Variants in PSMA4 observed in about 807,000 individuals in gnomAD.
PSMA4 encodes the protein proteasome subunit alpha type-4.
A neutral mutation model predicts 37.2 loss-of-function variants in PSMA4; 8 were observed. That is an observed-to-expected ratio of 0.22 (90% CI 0.13 to 0.39). The LOEUF is 0.39. Among genes scored for constraint, PSMA4 ranks in the 10% least tolerant of loss-of-function variants. The pLI, the probability that PSMA4 is intolerant of heterozygous loss-of-function variation, is 1.00. For missense variants in PSMA4, 169 were observed against 305.1 expected, an observed-to-expected ratio of 0.55 and a Z score of 3.32; for synonymous variants, 93 against 98.8, an observed-to-expected ratio of 0.94 and a Z score of 0.35.
At position 78,540,465 on chromosome 15, in the gene PSMA4, T is replaced by A. The variant is rs911063083; in HGVS notation, c.-98T>A. ...GGCCATATTAGCAGCGGTTATTCGG[T>A]GAGCGGTGGTGGTTTATTCTTCCGT... On this transcript the variant is annotated 5_prime_UTR_variant, in exon 1 of 9. Transcript: ENST00000044462. 2.0e-5 allele frequency: 3 copies of A among 152,398 alleles called. No individual in the cohort carries two copies. The highest frequency in any genetic ancestry group is 6.5e-5 in the Admixed American group (1 of 15,294). The allele number at this position is 152,398 out of a possible 1,614,324, so 9.4% of individuals were successfully genotyped here.
Position 78,542,158 on chromosome 15 carries a change from A to G in PSMA4, c.4-19A>G, listed in dbSNP as rs2052465147. 3.7e-6 allele frequency: 6 copies of G among 1,611,414 alleles called. No homozygotes were observed. The highest frequency in any genetic ancestry group is 4.5e-5 in the East Asian group (2 of 44,862). On this transcript the variant is annotated intron_variant, in intron 2 of 8. Coordinates refer to ENST00000044462, the MANE Select transcript of PSMA4 (RefSeq NM_002789.6). ...TACTTTCAGTGGGTAGGAATCACTC[A>G]TGTGTTTTTCCTTTGCAGTCTCGAA...
chr15:78,542,668 G>A, intron 4 of PSMA4, 23 bp downstream of exon 4: 1 of 1,574,908 alleles, frequency 6.3e-7, no homozygotes, highest in Non-Finnish European at 8.6e-7. Context: ...TTAGGAAAGA[G>A]TTTAAAAAAA....
chr15:78,547,222 A>G (rs1343860266), intron 8 of PSMA4, among the ~76,000 whole-genome samples: 4 of 152,208 alleles, frequency 2.6e-5, no homozygotes, highest in African/African-American at 7.2e-5. Flanking sequence ...TGGAGTCACA[A>G]TCTCACACTG....
rs760873587 is a variant in PSMA4 at position 78,546,600 on chromosome 15, A to G, written c.533A>G (p.Asp178Gly). The change falls in exon 8 of 9, where the codon GAC becomes GGC. Residue 178 changes from aspartate (D) to glycine (G), a missense_variant. Transcript: ENST00000044462. ...SAAAVSMLKQ[D>G]YKEGEMTLKS... ...GCAGCTGTGTCAATGTTGAAACAAGACTATAAAGAAGGAGAAATGACCTTG... is the reference window on the plus strand; with the variant it reads ...GCAGCTGTGTCAATGTTGAAACAAGGCTATAAAGAAGGAGAAATGACCTTG... 1.9e-6 allele frequency: 3 copies of G among 1,597,536 alleles called. No homozygotes were observed. In the South Asian group the frequency reaches 3.5e-5, roughly 18 times the overall value.
chr15:78,548,878 T>C lies in PSMA4; in HGVS notation c.720T>C (p.His240=), dbSNP rs8053. The C allele has an allele frequency of 0.61, 979,469 of 1,611,738 alleles. 303,716 individuals carry two copies. Among genetic ancestry groups the C allele is most frequent in the East Asian group, 0.87 (39,094 of 44,834 alleles). ...QKEVEQLIKK[H]EEEEAKAERE... ...AAGTGGAGCAGTTGATCAAAAAACA[T>C]GAGGAAGAAGAAGCCAAAGCTGAGC... Residue 240 remains histidine, a synonymous_variant, in exon 9 of 9, where the codon CAT becomes CAC. Transcript: ENST00000044462.
chr15:78,545,017 C>T, intron 6 of PSMA4, 60 bp downstream of exon 6: 2 of 1,199,070 alleles, frequency 1.7e-6, no homozygotes, highest in South Asian at 1.5e-5. Context: ...GAGTTATAAC[C>T]CTTTTGAGGT....
At position 78,544,138 on chromosome 15, in the gene PSMA4, C is replaced by T. The variant is rs757723214; in HGVS notation, c.210-52C>T. The T allele has an allele frequency of 2.2e-6, 3 of 1,359,596 alleles. No individual in the cohort carries two copies. In the South Asian group the frequency reaches 3.6e-5, roughly 16 times the overall value. The allele number at this position is 1,359,596 out of a possible 1,614,324, so 84.2% of individuals were successfully genotyped here. A position where few individuals can be genotyped will look rare whatever the true frequency, so the allele number is the denominator to read the frequency against. Reference sequence around the variant, plus strand: ...AGAATTTTTTAAATACTTATAAACACTCCTTGCAAGCATCTTCCCTGCTTA... The same window carrying T: ...AGAATTTTTTAAATACTTATAAACATTCCTTGCAAGCATCTTCCCTGCTTA... On this transcript the variant is annotated intron_variant, in intron 4 of 8. Coordinates refer to ENST00000044462, the MANE Select transcript of PSMA4 (RefSeq NM_002789.6).
chr15:78,549,084 T>A lies in PSMA4; in HGVS notation c.*140T>A. On this transcript the variant is annotated 3_prime_UTR_variant, in exon 9 of 9. Coordinates refer to ENST00000044462, the MANE Select transcript of PSMA4 (RefSeq NM_002789.6). The stretch of plus-strand genomic sequence containing the variant: ...TACATACTGAATTGGGTCCTTGTCA[T>A]TTCTGTCCAATTGAATACTTTATTG... The A allele has an allele frequency of 8.0e-7, 1 of 1,245,636 alleles. No homozygotes were observed. Among genetic ancestry groups the A allele is most frequent in the South Asian group, 2.6e-5 (1 of 38,736 alleles). The allele number at this position is 1,245,636 out of a possible 1,614,324, so 77.2% of individuals were successfully genotyped here. A position where few individuals can be genotyped will look rare whatever the true frequency, so the allele number is the denominator to read the frequency against.
chr15:78,546,768 C>A, intron 8 of PSMA4, 70 bp downstream of exon 8: 22 of 1,163,774 alleles, frequency 1.9e-5, no homozygotes, highest in Non-Finnish European at 2.2e-5. Flanking sequence ...AGATTTTTTT[C>A]TTTTTTTTTT....
chr15:78,544,319 C>CTT (rs751005514), intron 5 of PSMA4, 52 bp downstream of exon 5: 1,898 of 1,069,808 alleles, frequency 1.8e-3, no homozygotes, highest in South Asian at 3.1e-3. Flanking sequence ...TTTGATGTTT[C>CTT]TTTTTTTTTT....
At chr15:78,548,000 T>G (rs1316276052) in intron 8 of PSMA4, among the ~76,000 whole-genome samples, 1 of 151,992 alleles carries the variant, frequency 6.6e-6, no homozygotes, top group Non-Finnish European at 1.5e-5. Flanking sequence ...GAGGCCGAGG[T>G]GGGTGGATCA....
rs2052629787 is a variant in PSMA4, at chr15:78,550,638, C to T, written c.*1694C>T. 1 of 152,202 alleles carries T rather than the reference C, an allele frequency of 6.6e-6. No individual in the cohort carries two copies. The highest frequency in any genetic ancestry group is 1.5e-5 in the Non-Finnish European group (1 of 68,052). 9.4% of individuals were successfully genotyped at this position (152,202 alleles called of 1,614,324 possible). On this transcript the variant is annotated 3_prime_UTR_variant, in exon 9 of 9. Transcript: ENST00000044462. Reference sequence around the variant, plus strand: ...TCTTGTGCTTAGGAACATTAAACAGCACTTCAGCACTATACCTGGGTGCCA... The same window carrying T: ...TCTTGTGCTTAGGAACATTAAACAGTACTTCAGCACTATACCTGGGTGCCA...
Position 78,549,492 on chromosome 15 carries a change from C to T in PSMA4, c.*548C>T, listed in dbSNP as rs534931175. 6.6e-6 allele frequency: 1 copy of T among 152,414 alleles called. No individual in the cohort carries two copies. The highest frequency in any genetic ancestry group is 1.9e-4 in the East Asian group (1 of 5,192). The allele number at this position is 152,414 out of a possible 1,614,324, so 9.4% of individuals were successfully genotyped here. On this transcript the variant is annotated 3_prime_UTR_variant, in exon 9 of 9. Transcript: ENST00000044462. ...TTAAGGCCACAGAGGAAAAGTGGAA[C>T]CAAGAGATGAGAACAGTTACGTGTT...
chr15:78,548,828 G>A lies in PSMA4; in HGVS notation c.670G>A (p.Val224Ile), dbSNP rs568137146. 8.1e-6 allele frequency: 13 copies of A among 1,611,772 alleles called. No individual in the cohort carries two copies. In the African/African-American group the frequency reaches 1.7e-4, roughly 22 times the overall value. ...ATLTRENGKT[V>I]IRVLKQKEVE... ...ACTAACAAGAGAGAATGGAAAGACA[G>A]TAATCAGAGTTCTCAAACAAAAAGA... Residue 224 changes from valine to isoleucine, a missense_variant, in exon 9 of 9, where the codon GTA becomes ATA. Physicochemically the swap from Val to Ile is conservative, Grantham distance 29 (BLOSUM62 3). Around this residue, in one of 2 missense-constraint regions of PSMA4, gnomAD observed 90 missense variants for 92.7 expected, o/e 0.97. Transcript: ENST00000044462.
Position 78,544,894 on chromosome 15 carries a change from A to G in PSMA4, c.313A>G (p.Ile105Val). 1.2e-6 allele frequency: 2 copies of G among 1,611,100 alleles called. No individual in the cohort carries two copies. Among genetic ancestry groups the G allele is most frequent in the South Asian group, 1.1e-5 (1 of 90,866 alleles). The change falls in exon 6 of 9, where the codon ATA becomes GTA. Residue 105 changes from isoleucine to valine, a missense_variant. Coordinates refer to ENST00000044462, the MANE Select transcript of PSMA4 (RefSeq NM_002789.6). The stretch of plus-strand genomic sequence containing the variant: ...GTATTTATTACAGTATCAGGAGCCA[A>G]TACCTTGTGAGCAGTTGGTTACAGC... ...QRYLLQYQEPIPCEQLVTALC... is the reference protein window; with the variant it reads ...QRYLLQYQEPVPCEQLVTALC...
intron 4 of PSMA4, 174 bp downstream of exon 4, chr15:78,542,819 G>A: frequency 1.6e-6 from 1 of 606,930 alleles, no homozygotes; most frequent in Non-Finnish European, 2.8e-6. Flanking sequence ...TTAAGTGCAG[G>A]GCAAACACTT....
At chr15:78,544,992 G>A (rs777359274) in intron 6 of PSMA4, 35 bp downstream of exon 6, 1 of 1,483,884 alleles carries the variant, frequency 6.7e-7, no homozygotes, top group East Asian at 2.3e-5. Flanking sequence ...ATTCGAAAAA[G>A]TTAAGACATT....
At position 78,548,845 on chromosome 15, in the gene PSMA4, A is replaced by C. The variant is rs745919747; in HGVS notation, c.687A>C (p.Lys229Asn). ...ENGKTVIRVL[K>N]QKEVEQLIKK... The stretch of plus-strand genomic sequence containing the variant: ...GAAAGACAGTAATCAGAGTTCTCAA[A>C]CAAAAAGAAGTGGAGCAGTTGATCA... Residue 229 changes from lysine (K) to asparagine (N), a missense_variant, in exon 9 of 9, where the codon AAA becomes AAC. By Grantham distance (94) the Lys-to-Asn change is moderately conservative. Transcript: ENST00000044462. The C allele has an allele frequency of 3.7e-6, 6 of 1,613,342 alleles. No individual in the cohort carries two copies. The highest frequency in any genetic ancestry group is 5.1e-6 in the Non-Finnish European group (6 of 1,179,738).
chr15:78,540,641 C>G (rs1018112060), intron 1 of PSMA4, 102 bp downstream of exon 1: 86 of 152,256 alleles, frequency 5.6e-4, no homozygotes, highest in African/African-American at 1.8e-3. Flanking sequence ...CAGTTGCCGC[C>G]GAGGAGCCGT....
Sources: gnomAD v4.1 joint callset for allele counts (sites outside exome capture counted in the v4.1 genomes callset) on GRCh38, gnomAD v4.1.1 for gene constraint, gnomAD v4.1.1 regional missense constraint, MANE v1.5 for transcripts, NCBI Gene and HGNC (gene_info 2026-07-23, HGNC 2026-07-21) for gene names.